The following TMTC1 variants were observed in gnomAD, a reference collection of about 807,000 sequenced individuals.
The protein encoded by TMTC1 is protein O-mannosyl-transferase TMTC1.
A neutral mutation model predicts 104.8 loss-of-function variants in TMTC1; 73 were observed. That is an observed-to-expected ratio of 0.70 (90% CI 0.58 to 0.85). The LOEUF is 0.85. Ranked by LOEUF, TMTC1 falls within the 40% of genes least tolerant of loss-of-function variation. TMTC1 has a pLI of 0.00. For missense variants in TMTC1, 1,035 were observed against 1,096.1 expected, an observed-to-expected ratio of 0.94 and a Z score of 0.79; for synonymous variants, 434 against 428.7, an observed-to-expected ratio of 1.01 and a Z score of -0.15.
intron 7 of TMTC1, among the ~76,000 whole-genome samples, chr12:29,596,498 G>A (rs1211641840): frequency 6.6e-6 from 1 of 152,064 alleles, no homozygotes; most frequent in Non-Finnish European, 1.5e-5. Context: ...GAATCATGTT[G>A]TTTTAAGATG....
At chr12:29,735,336 G>A (rs1942643277) in intron 5 of TMTC1, among the ~76,000 whole-genome samples, 1 of 152,170 alleles carries the variant, frequency 6.6e-6, no homozygotes, top group Non-Finnish European at 1.5e-5. Context: ...CATTTTTGCA[G>A]GGCAAATTAC....
chr12:29,517,433 C>T lies in TMTC1; in HGVS notation c.2163G>A (p.Leu721=). 1 of 1,614,068 alleles carries T rather than the reference C, an allele frequency of 6.2e-7. No homozygotes were observed. The highest frequency in any genetic ancestry group is 8.5e-7 in the Non-Finnish European group (1 of 1,180,002). The change falls in exon 14 of 18, where the codon TTG becomes TTA. Residue 721 remains leucine, a synonymous_variant. Transcript: ENST00000539277. ...ALQPSQRELR[L]ALAQVLAVMG... is the part of the protein sequence containing the mutation. ...TTTCTTTCATCCTACTCACCAGTGCCAAGCGGAGCTCCCTCTGAGAAGGCT... is the reference window on the plus strand; with the variant it reads ...TTTCTTTCATCCTACTCACCAGTGCTAAGCGGAGCTCCCTCTGAGAAGGCT...
chr12:29,700,726 C>G (rs1941565354), intron 5 of TMTC1, among the ~76,000 whole-genome samples: 2 of 152,186 alleles, frequency 1.3e-5, no homozygotes, highest in Admixed American at 1.3e-4. Flanking sequence ...CATTCATCAT[C>G]AGTCAGAGCC....
intron 5 of TMTC1, among the ~76,000 whole-genome samples, chr12:29,750,720 T>C (rs1943069723): frequency 6.6e-6 from 1 of 152,236 alleles, no homozygotes; most frequent in Non-Finnish European, 1.5e-5. Context: ...TATGTTAAAC[T>C]AATTGAGAGG....
chr12:29,655,012 T>A (rs1025870761), intron 5 of TMTC1, among the ~76,000 whole-genome samples: 1 of 152,126 alleles, frequency 6.6e-6, no homozygotes, highest in Non-Finnish European at 1.5e-5. Context: ...GCCTCCTGAG[T>A]AGCTTGGATT....
chr12:29,741,394 A>T (rs1289187507), intron 5 of TMTC1, among the ~76,000 whole-genome samples: 2 of 152,218 alleles, frequency 1.3e-5, no homozygotes, highest in African/African-American at 2.4e-5. Context: ...AAAGAGGAAA[A>T]TTGGCAGTAC....
chr12:29,545,229 G>C (rs1360961261), intron 10 of TMTC1, among the ~76,000 whole-genome samples: 3 of 151,918 alleles, frequency 2.0e-5, no homozygotes, highest in African/African-American at 7.3e-5. Context: ...GTTCTTCTCT[G>C]GTCTTCTTTT....
intron 6 of TMTC1, among the ~76,000 whole-genome samples, chr12:29,616,318 C>T (rs186102271): frequency 2.6e-4 from 39 of 152,258 alleles, no homozygotes; most frequent in Non-Finnish European, 4.0e-4. Context: ...AAAATCAACG[C>T]GCTCTCTGGC....
intron 1 of TMTC1, among the ~76,000 whole-genome samples, chr12:29,769,303 GA>G (rs1178417376): frequency 6.6e-6 from 1 of 152,122 alleles, no homozygotes; most frequent in Non-Finnish European, 1.5e-5. Flanking sequence ...ACTAAGCCTA[GA>G]AAACTAAATT....
At chr12:29,674,793 C>T (rs1456859299) in intron 5 of TMTC1, among the ~76,000 whole-genome samples, 1 of 152,178 alleles carries the variant, frequency 6.6e-6, no homozygotes, top group South Asian at 2.1e-4. Flanking sequence ...AGTGCCCACA[C>T]CTCAAACATC....
chr12:29,737,313 A>T (rs1942704560), intron 5 of TMTC1, among the ~76,000 whole-genome samples: 1 of 152,122 alleles, frequency 6.6e-6, no homozygotes, highest in African/African-American at 2.4e-5. Flanking sequence ...GAGGTCCGGA[A>T]TTCAAGACCA....
intron 5 of TMTC1, among the ~76,000 whole-genome samples, chr12:29,727,129 G>C (rs548187003): frequency 6.6e-6 from 1 of 152,210 alleles, no homozygotes; most frequent in African/African-American, 2.4e-5. Flanking sequence ...TCTGTATTTG[G>C]TAAGATTCAA....
chr12:29,633,348 A>G lies in TMTC1; in HGVS notation c.939-12T>C, dbSNP rs1938395323. 6.3e-7 allele frequency: 1 copy of G among 1,589,930 alleles called. No individual in the cohort carries two copies. The highest frequency in any genetic ancestry group is 8.6e-7 in the Non-Finnish European group (1 of 1,163,650). On this transcript the variant is annotated splice_polypyrimidine_tract_variant and intron_variant, in intron 5 of 17. Coordinates refer to ENST00000539277, the MANE Select transcript of TMTC1 (RefSeq NM_001193451.2). ...AATAGGTGAGGAATCTATAAAGAGA[A>G]GAAGAATCACTGAAACACTGCTCAA...
intron 6 of TMTC1, among the ~76,000 whole-genome samples, chr12:29,616,878 G>C (rs1408381622): frequency 6.6e-6 from 1 of 152,044 alleles, no homozygotes; most frequent in Non-Finnish European, 1.5e-5. Context: ...TGTTTATAGA[G>C]ATAACATTCT....
chr12:29,764,423 G>T (rs1943418522), intron 2 of TMTC1, among the ~76,000 whole-genome samples: 1 of 152,152 alleles, frequency 6.6e-6, no homozygotes, highest in Non-Finnish European at 1.5e-5. Flanking sequence ...TGGGAGGATT[G>T]CTTGAGCCCA....
chr12:29,549,586 T>C (rs999249736), intron 10 of TMTC1, among the ~76,000 whole-genome samples: 10 of 152,092 alleles, frequency 6.6e-5, no homozygotes, highest in Non-Finnish European at 1.3e-4. Context: ...ACTAGCCTCA[T>C]GAAGGAGGCA....
chr12:29,774,260 C>G (rs969517510), intron 1 of TMTC1, among the ~76,000 whole-genome samples: 1 of 152,082 alleles, frequency 6.6e-6, no homozygotes, highest in South Asian at 2.1e-4. Context: ...GGCAGCAGAT[C>G]TAAACTAGGG....
intron 7 of TMTC1, among the ~76,000 whole-genome samples, chr12:29,603,256 A>T (rs1027883164): frequency 2.6e-5 from 4 of 152,180 alleles, no homozygotes; most frequent in Admixed American, 1.3e-4. Context: ...AAAGATTATG[A>T]AATTCACTTC....
At chr12:29,532,125 A>G (rs1421932504) in intron 11 of TMTC1, among the ~76,000 whole-genome samples, 3 of 152,164 alleles carry the variant, frequency 2.0e-5, no homozygotes, top group African/African-American at 7.2e-5. Flanking sequence ...TTATCTGCTT[A>G]TAATATGATT....
Sources: gnomAD v4.1 joint callset for allele counts (sites outside exome capture counted in the v4.1 genomes callset) on GRCh38, gnomAD v4.1.1 for gene constraint, MANE v1.5 for transcripts, NCBI Gene and HGNC (gene_info 2026-07-23, HGNC 2026-07-21) for gene names.